AKAP1: variants seen among roughly 807,000 people sequenced by gnomAD.
AKAP1 encodes A-kinase anchoring protein 1.
AKAP1 carries 32 observed loss-of-function variants against 79.8 expected under a neutral mutation model. The ratio of observed to expected loss-of-function variants is 0.40; its 90% CI spans 0.30 to 0.54. The LOEUF is 0.54. Among genes scored for constraint, AKAP1 ranks in the 20% least tolerant of loss-of-function variants. The pLI, the probability that AKAP1 is intolerant of heterozygous loss-of-function variation, is 0.47. For synonymous variants in AKAP1, 416 were observed against 466.7 expected (o/e 0.89, Z 1.40); for missense variants, 961 against 1,138.9 (o/e 0.84, Z 2.25).
chr17:57,089,270 A>G (rs1160098441), intron 1 of AKAP1, among the ~76,000 whole-genome samples: 1 of 152,162 alleles, frequency 6.6e-6, no homozygotes, highest in Admixed American at 6.5e-5. Flanking sequence ...GTACATGTCA[A>G]AGACTTAAGG....
chr17:57,092,718 C>T (rs768487910), intron 1 of AKAP1: 3 of 152,224 alleles, frequency 2.0e-5, no homozygotes, highest in Non-Finnish European at 4.4e-5. Flanking sequence ...AGAACTAAAG[C>T]CCCTTGGCTC....
chr17:57,120,332 G>A lies in AKAP1; in HGVS notation c.*8G>A. 3.1e-6 allele frequency: 5 copies of A among 1,610,182 alleles called. No homozygotes were observed. Among genetic ancestry groups the A allele is most frequent in the Non-Finnish European group, 4.2e-6 (5 of 1,178,926 alleles). Reference sequence around the variant, plus strand: ...TACTACACAAGCCTTTGACCCCCATGCTGCTTCCTGAGAGTCTTTTTTTGC... The same window carrying A: ...TACTACACAAGCCTTTGACCCCCATACTGCTTCCTGAGAGTCTTTTTTTGC... On this transcript the variant is annotated 3_prime_UTR_variant, in exon 11 of 11. Coordinates refer to ENST00000337714, the MANE Select transcript of AKAP1 (RefSeq NM_003488.4).
rs560971761 is a variant in AKAP1 at position 57,107,542 on chromosome 17, G to T, written c.1714+364G>T. On this transcript the variant is annotated intron_variant, in intron 2 of 10. Coordinates refer to ENST00000337714, the MANE Select transcript of AKAP1 (RefSeq NM_003488.4). ...GGTGCAGATGGAGTCTTCCTTTGTT[G>T]CCCAGGCTGGTCTCGCACTCCTGGG... Among the ~76,000 whole-genome samples, 4 of 152,148 alleles carry T rather than the reference G, an allele frequency of 2.6e-5. No homozygotes were observed. In the East Asian group the frequency reaches 7.7e-4, roughly 29 times the overall value.
chr17:57,117,008 C>T, intron 8 of AKAP1, 81 bp downstream of exon 8: 4 of 1,346,720 alleles, frequency 3.0e-6, no homozygotes, highest in Non-Finnish European at 4.3e-6. Flanking sequence ...TCCGTTCTCA[C>T]CTGGAGGATT....
At position 57,114,654 on chromosome 17, in the gene AKAP1, G is replaced by A. The variant is rs1219532770; in HGVS notation, c.2281+18G>A. 6.2e-7 allele frequency: 1 copy of A among 1,604,368 alleles called. No homozygotes were observed. Among genetic ancestry groups the A allele is most frequent in the Admixed American group, 1.7e-5 (1 of 58,746 alleles). On this transcript the variant is annotated intron_variant, in intron 6 of 10. Coordinates refer to ENST00000337714, the MANE Select transcript of AKAP1 (RefSeq NM_003488.4). ...AGTGGAAAGTAAGCAGTGCCCTGAGGGGTCGGGAAGGGGGACCCCTGGGGT... is the reference window on the plus strand; with the variant it reads ...AGTGGAAAGTAAGCAGTGCCCTGAGAGGTCGGGAAGGGGGACCCCTGGGGT...
At chr17:57,090,477 CCTCCT>C (rs911251310) in intron 1 of AKAP1, among the ~76,000 whole-genome samples, 39 of 100,384 alleles carry the variant, frequency 3.9e-4, no homozygotes, top group African/African-American at 1.5e-3. Flanking sequence ...CTCCCCACCT[CCTCCT>C]CTGCCCCTGC....
rs985233971 is a variant in AKAP1, at chr17:57,086,637, G to A, written c.-25+1239G>A. On this transcript the variant is annotated intron_variant, in intron 1 of 10. Transcript: ENST00000337714. This position sits in a 1 kb window ranked among gnomAD's most constrained non-coding sequence, Gnocchi z 5.1. Reference sequence around the variant, plus strand: ...CCCCTACTGTAGTGCGCGTTACTTCGTGTTTAGATTTGTCTCCAGTGAAAT... The same window carrying A: ...CCCCTACTGTAGTGCGCGTTACTTCATGTTTAGATTTGTCTCCAGTGAAAT... 4 of 329,236 alleles carry A rather than the reference G, an allele frequency of 1.2e-5. No homozygotes were observed. Among genetic ancestry groups the A allele is most frequent in the Middle Eastern group, 4.1e-4 (1 of 2,460 alleles). The allele number at this position is 329,236 out of a possible 1,614,324, so 20.4% of individuals were successfully genotyped here.
At chr17:57,093,024 A>G (rs992694028) in intron 1 of AKAP1, 1 of 152,366 alleles carries the variant, frequency 6.6e-6, no homozygotes, top group African/African-American at 2.4e-5. Flanking sequence ...CACCTCTTCC[A>G]AGAGGCATTC....
chr17:57,115,624 G>A (rs1254534732), intron 6 of AKAP1, among the ~76,000 whole-genome samples: 5 of 152,182 alleles, frequency 3.3e-5, no homozygotes, highest in African/African-American at 4.8e-5. Flanking sequence ...AGAAGAAGGG[G>A]GTTTAGGCCC....
At chr17:57,111,359 G>T (rs374119595) in intron 3 of AKAP1, among the ~76,000 whole-genome samples, 11 of 152,338 alleles carry the variant, frequency 7.2e-5, no homozygotes, top group African/African-American at 2.6e-4. Context: ...GATCTGAGTA[G>T]ACTTGAGGGA....
At chr17:57,116,693 G>C (rs1172498730) in intron 7 of AKAP1, among the ~76,000 whole-genome samples, 167 bp from the exon 8 acceptor site, 1 of 152,196 alleles carries the variant, frequency 6.6e-6, no homozygotes, top group Non-Finnish European at 1.5e-5. Flanking sequence ...AGCAGGGTCG[G>C]CTGGCTGTGT....
chr17:57,094,845 G>A (rs1913997704), intron 1 of AKAP1: 1 of 151,960 alleles, frequency 6.6e-6, no homozygotes, highest in Non-Finnish European at 1.5e-5. Context: ...CGAACTCCTG[G>A]GCTCAAGTAA....
intron 1 of AKAP1, chr17:57,098,295 G>A (rs1441235691): frequency 6.6e-6 from 1 of 152,268 alleles, no homozygotes; most frequent in Non-Finnish European, 1.5e-5. Flanking sequence ...AAATGACAGA[G>A]TGTCCTCCCC....
chr17:57,112,481 C>T lies in AKAP1; in HGVS notation c.1976-10C>T, dbSNP rs368168241. ...AGTGATTGTATGTCCTGCCCCCATC[C>T]GCTATTTAGGCTCTCAACATCATGT... On this transcript the variant is annotated splice_polypyrimidine_tract_variant and intron_variant, in intron 4 of 10. Coordinates refer to ENST00000337714, the MANE Select transcript of AKAP1 (RefSeq NM_003488.4). 1.7e-5 allele frequency: 27 copies of T among 1,612,284 alleles called. No individual in the cohort carries two copies. Among genetic ancestry groups the T allele is most frequent in the African/African-American group, 6.7e-5 (5 of 74,844 alleles).
rs758589316 is a variant in AKAP1 at position 57,116,899 on chromosome 17, CCTT to C, written c.2475_2477del (p.Leu826del). Reference sequence around the variant, plus strand: ...CCCTGCCGTTTCAGGGAGCAGAAGTCCTTCTGGACAGTGTGATGCCCCTGTCAG... The same window carrying C: ...CCCTGCCGTTTCAGGGAGCAGAAGTCCTGGACAGTGTGATGCCCCTGTCAG... On this transcript the variant is annotated inframe_deletion, in exon 8 of 11. Coordinates refer to ENST00000337714, the MANE Select transcript of AKAP1 (RefSeq NM_003488.4). 6.2e-7 allele frequency: 1 copy of C among 1,614,180 alleles called. No individual in the cohort carries two copies. Among genetic ancestry groups the C allele is most frequent in the Non-Finnish European group, 8.5e-7 (1 of 1,180,012 alleles).
intron 8 of AKAP1, 112 bp downstream of exon 8, chr17:57,117,039 C>A: frequency 8.8e-7 from 1 of 1,140,694 alleles, no homozygotes; most frequent in Non-Finnish European, 1.3e-6. Context: ...TAAGTTGCTA[C>A]CACTCAAGAG....
chr17:57,087,420 G>C (rs1913528873), intron 1 of AKAP1, among the ~76,000 whole-genome samples: 1 of 152,218 alleles, frequency 6.6e-6, no homozygotes, highest in African/African-American at 2.4e-5. Context: ...TCCAGTGTAA[G>C]GTTGCTGAAC....
At position 57,120,654 on chromosome 17, in the gene AKAP1, T is replaced by G; in HGVS notation, c.*330T>G. ...TTCCATTCCCCTCTTCTTCCTTCTA[T>G]CTCCTTCCCCGGCAAAAACCAAACA... On this transcript the variant is annotated 3_prime_UTR_variant, in exon 11 of 11. Transcript: ENST00000337714. The G allele has an allele frequency of 4.8e-6, 1 of 207,548 alleles. No individual in the cohort carries two copies. Among genetic ancestry groups the G allele is most frequent in the Non-Finnish European group, 9.7e-6 (1 of 103,212 alleles). 12.9% of individuals were successfully genotyped at this position (207,548 alleles called of 1,614,324 possible). A position where few individuals can be genotyped will look rare whatever the true frequency, so the allele number is the denominator to read the frequency against.
chr17:57,118,604 T>A (rs1404378434), intron 9 of AKAP1, 150 bp downstream of exon 9: 3 of 733,176 alleles, frequency 4.1e-6, no homozygotes, highest in Non-Finnish European at 6.8e-6. Context: ...TATTAGTCTG[T>A]TCTCACATTG....
Sources: allele counts gnomAD v4.1 joint callset (sites outside exome capture counted in the v4.1 genomes callset), GRCh38; gene constraint gnomAD v4.1.1; non-coding constraint Gnocchi (gnomAD v3.1); transcripts MANE v1.5; gene names NCBI Gene and HGNC (gene_info 2026-07-23, HGNC 2026-07-21).